Variants in TMEM132C observed in about 807,000 individuals in gnomAD.
TMEM132C encodes the protein protein phosphatase 1, regulatory subunit 152.
A neutral mutation model predicts 61.4 loss-of-function variants in TMEM132C; 29 were observed. The observed-to-expected ratio is 0.47, with a 90% confidence interval of 0.35 to 0.64. TMEM132C has a LOEUF of 0.64. TMEM132C is among the 30% of genes least tolerant of loss of function. The probability of loss-of-function intolerance (pLI) is 0.00; values close to 1 mark genes in which losing one functional copy is unlikely to be tolerated. For missense variants in TMEM132C, 1,408 were observed against 1,476.9 expected, an observed-to-expected ratio of 0.95 and a Z score of 0.76; for synonymous variants, 656 against 633.1, an observed-to-expected ratio of 1.04 and a Z score of -0.54.
intron 3 of TMEM132C, among the ~76,000 whole-genome samples, chr12:128,552,920 A>G (rs1874218243): frequency 6.6e-6 from 1 of 151,484 alleles, no homozygotes; most frequent in Non-Finnish European, 1.5e-5. Flanking sequence ...AAACAAACAA[A>G]CAAAAAAAAA....
intron 1 of TMEM132C, among the ~76,000 whole-genome samples, chr12:128,342,496 T>C (rs1375696125): frequency 6.6e-6 from 1 of 152,232 alleles, no homozygotes; most frequent in Non-Finnish European, 1.5e-5. Flanking sequence ...AGAAAGGAGC[T>C]GAGACATAGC....
At chr12:128,416,220 C>T (rs1306187435) in intron 2 of TMEM132C, among the ~76,000 whole-genome samples, 1 of 152,142 alleles carries the variant, frequency 6.6e-6, no homozygotes, top group Non-Finnish European at 1.5e-5. Context: ...AAAGCAGCAG[C>T]ATAATCCACC....
chr12:128,548,149 A>C (rs12582875), intron 3 of TMEM132C, among the ~76,000 whole-genome samples: 113,085 of 152,044 alleles, frequency 0.74, 45,593 homozygotes, highest in South Asian at 0.92. Flanking sequence ...CATTCTAGTC[A>C]ATAAGTTTCA....
chr12:128,585,438 G>C (rs539234060), intron 3 of TMEM132C, among the ~76,000 whole-genome samples: 61 of 152,280 alleles, frequency 4.0e-4, no homozygotes, highest in African/African-American at 1.4e-3. Flanking sequence ...ATTCTTGCAG[G>C]AGTGTGTTCT....
At position 128,278,207 on chromosome 12, in the gene TMEM132C, T is replaced by A. The variant is rs1870757090; in HGVS notation, c.85+10720T>A. Among the ~76,000 whole-genome samples the A allele has an allele frequency of 6.6e-6, 1 of 152,198 alleles. No individual in the cohort carries two copies. The highest frequency in any genetic ancestry group is 2.4e-5 in the African/African-American group (1 of 41,456). ...GAAGTCTATGTTTCGGGGCATTTGT[T>A]CTGCTCCGGCTTTGTTCCCTCTTTC... On this transcript the variant is annotated intron_variant, in intron 1 of 8. Coordinates refer to ENST00000435159, the MANE Select transcript of TMEM132C (RefSeq NM_001136103.3). The surrounding 1 kb of genome is among the most constrained non-coding windows in gnomAD (Gnocchi z 4.2).
At chr12:128,500,796 T>C (rs1041289761) in intron 2 of TMEM132C, among the ~76,000 whole-genome samples, 3 of 152,156 alleles carry the variant, frequency 2.0e-5, no homozygotes, top group African/African-American at 7.2e-5. Flanking sequence ...AAACATAGAA[T>C]TATCACATGA....
intron 4 of TMEM132C, among the ~76,000 whole-genome samples, chr12:128,634,067 G>A (rs905714785): frequency 1.3e-5 from 2 of 152,144 alleles, no homozygotes; most frequent in Non-Finnish European, 2.9e-5. Context: ...CCTGGTACAA[G>A]AATCACATGC....
chr12:128,536,765 G>A (rs751615051), intron 2 of TMEM132C, among the ~76,000 whole-genome samples: 1 of 152,274 alleles, frequency 6.6e-6, no homozygotes, highest in African/African-American at 2.4e-5. Flanking sequence ...GTGTGTGTGT[G>A]TGTCTGTGTG....
In TMEM132C at chr12:128,485,586, A is replaced by G. The variant is rs539478988; in HGVS notation, c.975-58371A>G. Among the ~76,000 whole-genome samples the G allele has an allele frequency of 1.9e-4, 27 of 141,202 alleles. No homozygotes were observed. In the East Asian group the frequency reaches 4.9e-3, roughly 25 times the overall value. 92.6% of individuals were successfully genotyped at this position (141,202 alleles called of 152,430 possible). A position where few individuals can be genotyped will look rare whatever the true frequency, so the allele number is the denominator to read the frequency against. On this transcript the variant is annotated intron_variant, in intron 2 of 8. Transcript: ENST00000435159. ...ACATTTTTGGTTGCCACTACTGGGG[A>G]GTGGGGTGCTACTGTCATCTAGTAG...
chr12:128,675,974 T>A (rs1414176167), intron 5 of TMEM132C, among the ~76,000 whole-genome samples: 1 of 152,204 alleles, frequency 6.6e-6, no homozygotes, highest in Admixed American at 6.5e-5. Flanking sequence ...CAGTGTATAT[T>A]TCCTAAGAAT....
chr12:128,625,526 G>A (rs1026692676), intron 4 of TMEM132C, among the ~76,000 whole-genome samples: 4 of 152,216 alleles, frequency 2.6e-5, no homozygotes, highest in Admixed American at 2.6e-4. Context: ...CATGGTGGAA[G>A]GCAAGGAGGA....
intron 1 of TMEM132C, among the ~76,000 whole-genome samples, chr12:128,280,900 G>C (rs919663007): frequency 2.6e-5 from 4 of 152,144 alleles, no homozygotes; most frequent in African/African-American, 9.7e-5. Context: ...CCAGGCCAGG[G>C]AGCTGTGGGA....
chr12:128,283,304 C>A (rs1870954639), intron 1 of TMEM132C, among the ~76,000 whole-genome samples: 1 of 152,158 alleles, frequency 6.6e-6, no homozygotes, highest in African/African-American at 2.4e-5. Flanking sequence ...ATCCTCAAGG[C>A]TCATCTGTAC....
chr12:128,513,439 G>A (rs1459394240), intron 2 of TMEM132C, among the ~76,000 whole-genome samples: 1 of 152,166 alleles, frequency 6.6e-6, no homozygotes, highest in Non-Finnish European at 1.5e-5. Flanking sequence ...CCTTTGCCCT[G>A]CCCTCGTCAG....
chr12:128,458,529 A>C (rs1161541095), intron 2 of TMEM132C, among the ~76,000 whole-genome samples: 1 of 152,040 alleles, frequency 6.6e-6, no homozygotes, highest in African/African-American at 2.4e-5. Flanking sequence ...TTGTCCCCGG[A>C]ACATGGTCCC....
chr12:128,271,200 G>C (rs1351622063), intron 1 of TMEM132C, among the ~76,000 whole-genome samples: 2 of 151,516 alleles, frequency 1.3e-5, no homozygotes, highest in Non-Finnish European at 2.9e-5. Flanking sequence ...GTTGCAGTGA[G>C]CCAAGATCAT....
intron 3 of TMEM132C, among the ~76,000 whole-genome samples, chr12:128,610,720 G>A (rs565908362): frequency 6.6e-6 from 1 of 152,278 alleles, no homozygotes; most frequent in South Asian, 2.1e-4. Flanking sequence ...CAGCGGAAAG[G>A]CACTGACCAC....
intron 1 of TMEM132C, among the ~76,000 whole-genome samples, chr12:128,351,268 CTG>C (rs1873329215): frequency 6.6e-6 from 1 of 152,060 alleles, no homozygotes; most frequent in Non-Finnish European, 1.5e-5. Context: ...TATAAGGAGA[CTG>C]GACTCCTAGG....
chr12:128,397,986 T>C (rs143570995), intron 1 of TMEM132C, among the ~76,000 whole-genome samples: 3 of 152,272 alleles, frequency 2.0e-5, no homozygotes, highest in Non-Finnish European at 4.4e-5. Context: ...GACCATTCCT[T>C]ATCCTATCCC....
Sources: allele counts gnomAD v4.1 joint callset (sites outside exome capture counted in the v4.1 genomes callset), GRCh38; gene constraint gnomAD v4.1.1; non-coding constraint Gnocchi (gnomAD v3.1); transcripts MANE v1.5; gene names NCBI Gene and HGNC (gene_info 2026-07-23, HGNC 2026-07-21).